Variants in MOB3B observed in about 807,000 individuals in gnomAD.
MOB3B encodes MOB kinase activator-like 2B.
MOB3B carries 7 observed loss-of-function variants against 18.7 expected under a neutral mutation model. That is an observed-to-expected ratio of 0.37 (90% CI 0.21 to 0.70). The LOEUF is 0.70. Among genes scored for constraint, MOB3B ranks in the 30% least tolerant of loss-of-function variants. The pLI, the probability that MOB3B is intolerant of heterozygous loss-of-function variation, is 0.52. For missense variants in MOB3B, 253 were observed against 281.3 expected, an observed-to-expected ratio of 0.90 and a Z score of 0.72; for synonymous variants, 111 against 99.9, an observed-to-expected ratio of 1.11 and a Z score of -0.66.
intron 2 of MOB3B, among the ~76,000 whole-genome samples, chr9:27,447,708 C>T (rs1444484051): frequency 1.3e-5 from 2 of 152,164 alleles, no homozygotes; most frequent in Non-Finnish European, 2.9e-5. Flanking sequence ...ATTTGTTGAG[C>T]AGGGGTGGTT....
chr9:27,401,397 A>G (rs1231010947), intron 2 of MOB3B, among the ~76,000 whole-genome samples: 1 of 152,210 alleles, frequency 6.6e-6, no homozygotes, highest in Non-Finnish European at 1.5e-5. Context: ...TGGGTGACAT[A>G]CAAGTCACGT....
chr9:27,368,156 A>C (rs1206220885), intron 2 of MOB3B, among the ~76,000 whole-genome samples: 1 of 152,190 alleles, frequency 6.6e-6, no homozygotes, highest in Non-Finnish European at 1.5e-5. Context: ...AATACTTGCA[A>C]AACAAGATGC....
chr9:27,418,100 A>AAAAAAAAAAAAAAAAAAAC (rs1822182629), intron 2 of MOB3B, among the ~76,000 whole-genome samples: 1 of 149,612 alleles, frequency 6.7e-6, no homozygotes, highest in Admixed American at 6.6e-5. Flanking sequence ...TCAAAAAAAA[A>AAAAAAAAAAAAAAAAAAAC]AAAAAAAAAA....
At chr9:27,393,460 A>G (rs1821757709) in intron 2 of MOB3B, among the ~76,000 whole-genome samples, 1 of 151,618 alleles carries the variant, frequency 6.6e-6, no homozygotes, top group South Asian at 2.1e-4. Flanking sequence ...CTGTTGTGGA[A>G]CTCGAAGGAC....
chr9:27,497,906 G>C (rs1819923559), intron 1 of MOB3B, among the ~76,000 whole-genome samples: 1 of 152,186 alleles, frequency 6.6e-6, no homozygotes, highest in Non-Finnish European at 1.5e-5. Context: ...CTGATTTTTA[G>C]TAAATCAAAA....
At chr9:27,486,533 CCTAACTAAAG>C (rs1819732159) in intron 1 of MOB3B, among the ~76,000 whole-genome samples, 2 of 152,122 alleles carry the variant, frequency 1.3e-5, no homozygotes, top group South Asian at 4.2e-4. Flanking sequence ...GTGGATCAAG[CCTAACTAAAG>C]CTAGTCCTGT....
At chr9:27,436,600 C>A (rs1822505779) in intron 2 of MOB3B, among the ~76,000 whole-genome samples, 1 of 152,196 alleles carries the variant, frequency 6.6e-6, no homozygotes, top group Admixed American at 6.5e-5. Flanking sequence ...TTGAATTAGA[C>A]AACTGCTTGC....
rs545717896 is a variant in MOB3B at position 27,354,127 on chromosome 9, G to A, written c.621+4907C>T. Among the ~76,000 whole-genome samples, 765 of 152,374 alleles carry A rather than the reference G, an allele frequency of 5.0e-3. 6 individuals carry two copies. The highest frequency in any genetic ancestry group is 4.9e-3 in the Non-Finnish European group (333 of 68,036). ...TGCCAGCCATAGCGGCTGAACAGCA[G>A]GTCCCAATGGGAGCCATGAGGCAAG... On this transcript the variant is annotated intron_variant, in intron 3 of 3. Coordinates refer to ENST00000262244, the MANE Select transcript of MOB3B (RefSeq NM_024761.5).
chr9:27,461,010 T>G (rs535654783), intron 1 of MOB3B, among the ~76,000 whole-genome samples: 9 of 152,332 alleles, frequency 5.9e-5, no homozygotes, highest in East Asian at 3.9e-4. Context: ...GTAACAAGTC[T>G]GCCTCCTGAA....
At chr9:27,368,831 C>T (rs2131364827) in intron 2 of MOB3B, among the ~76,000 whole-genome samples, 1 of 152,308 alleles carries the variant, frequency 6.6e-6, no homozygotes, top group South Asian at 2.1e-4. Flanking sequence ...AAGGAGCAAC[C>T]ATGAGTCCAG....
chr9:27,511,594 T>C, intron 1 of MOB3B, among the ~76,000 whole-genome samples: 1 of 152,274 alleles, frequency 6.6e-6, no homozygotes. Flanking sequence ...ATGTTTTTTT[T>C]AAAAAAAATA....
intron 2 of MOB3B, among the ~76,000 whole-genome samples, chr9:27,404,651 C>T (rs1821939531): frequency 6.6e-6 from 1 of 152,072 alleles, no homozygotes; most frequent in Non-Finnish European, 1.5e-5. Flanking sequence ...ATCCACTATG[C>T]CTGGCTAATT....
At chr9:27,443,660 A>T (rs1183058537) in intron 2 of MOB3B, among the ~76,000 whole-genome samples, 2 of 152,208 alleles carry the variant, frequency 1.3e-5, no homozygotes, top group East Asian at 3.9e-4. Flanking sequence ...CTTAGAGACC[A>T]TACCCTGGAC....
chr9:27,408,542 A>G (rs1007894456), intron 2 of MOB3B, among the ~76,000 whole-genome samples: 24 of 152,216 alleles, frequency 1.6e-4, no homozygotes, highest in African/African-American at 5.8e-4. Flanking sequence ...ATGAAGCTAC[A>G]TTTTCCCAGT....
chr9:27,368,343 C>T (rs1214878656), intron 2 of MOB3B, among the ~76,000 whole-genome samples: 1 of 136,916 alleles, frequency 7.3e-6, no homozygotes, highest in Non-Finnish European at 1.5e-5. Flanking sequence ...TATATATACA[C>T]ACACATACAT....
chr9:27,381,797 C>T (rs1055224389), intron 2 of MOB3B, among the ~76,000 whole-genome samples: 3 of 152,126 alleles, frequency 2.0e-5, no homozygotes, highest in Non-Finnish European at 2.9e-5. Flanking sequence ...TAAGAACGCA[C>T]CACCACATCC....
chr9:27,477,997 G>T (rs1386630541), intron 1 of MOB3B, among the ~76,000 whole-genome samples: 2 of 152,120 alleles, frequency 1.3e-5, no homozygotes, highest in Non-Finnish European at 2.9e-5. Context: ...AGTAGCTCAG[G>T]GAAGGGGGAA....
chr9:27,367,305 C>T (rs1187996635), intron 2 of MOB3B, among the ~76,000 whole-genome samples: 1 of 152,218 alleles, frequency 6.6e-6, no homozygotes, highest in African/African-American at 2.4e-5. Flanking sequence ...TGCCAGGAAG[C>T]TTTGTAGGGT....
intron 1 of MOB3B, among the ~76,000 whole-genome samples, chr9:27,483,339 A>G (rs1819690549): frequency 6.6e-6 from 1 of 151,984 alleles, no homozygotes; most frequent in Admixed American, 6.5e-5. Flanking sequence ...TCACCGTGTT[A>G]GCCAGAATGA....
Sources: gnomAD v4.1 joint callset for allele counts (sites outside exome capture counted in the v4.1 genomes callset) on GRCh38, gnomAD v4.1.1 for gene constraint, MANE v1.5 for transcripts, NCBI Gene and HGNC (gene_info 2026-07-23, HGNC 2026-07-21) for gene names.